The following ECPAS variants were observed in gnomAD, a reference collection of about 807,000 sequenced individuals.
ECPAS encodes the protein proteasome adapter and scaffold protein ECM29.
A neutral mutation model predicts 255.1 loss-of-function variants in ECPAS; 70 were observed. That is an observed-to-expected ratio of 0.27 (90% CI 0.23 to 0.33). The LOEUF is 0.33. Ranked by LOEUF, ECPAS falls within the 10% of genes least tolerant of loss-of-function variation. ECPAS has a pLI of 1.00. For synonymous variants in ECPAS, 784 were observed against 775.0 expected (o/e 1.01, Z -0.19); for missense variants, 1,817 against 2,206.4 (o/e 0.82, Z 3.54).
intron 30 of ECPAS, 57 bp downstream of exon 30, chr9:111,389,927 G>T: frequency 7.7e-7 from 1 of 1,290,340 alleles, no homozygotes; most frequent in Non-Finnish European, 1.1e-6. Context: ...GTCTGCCAAT[G>T]TAGCATGTTT....
At chr9:111,420,857 G>A (rs1174625610) in intron 15 of ECPAS, among the ~76,000 whole-genome samples, 2 of 152,166 alleles carry the variant, frequency 1.3e-5, no homozygotes, top group Non-Finnish European at 2.9e-5. Flanking sequence ...ATTAAAGAGT[G>A]AGGATATTAA....
In ECPAS at chr9:111,373,413, G is replaced by T; in HGVS notation, c.4178-7C>A. On this transcript the variant is annotated splice_polypyrimidine_tract_variant and splice_region_variant and intron_variant, in intron 39 of 49. Transcript: ENST00000684092. ...AAAGCACTCATAAGTTTACCTACCA[G>T]AAATAAAGAGAAAAAAATCTGATAC... 1 of 1,609,614 alleles carries T rather than the reference G, an allele frequency of 6.2e-7. No homozygotes were observed. The highest frequency in any genetic ancestry group is 8.5e-7 in the Non-Finnish European group (1 of 1,177,456).
At chr9:111,416,201 C>T (rs1263388455) in intron 18 of ECPAS, 71 bp downstream of exon 18, 1 of 1,070,838 alleles carries the variant, frequency 9.3e-7, no homozygotes. Flanking sequence ...AATGACAGAC[C>T]CCTCTTTGGG....
At chr9:111,472,681 T>C (rs2098290296) in intron 2 of ECPAS, among the ~76,000 whole-genome samples, 1 of 152,096 alleles carries the variant, frequency 6.6e-6, no homozygotes, top group African/African-American at 2.4e-5. Flanking sequence ...CTTTTTCTTC[T>C]TTTTGCAAAT....
intron 23 of ECPAS, among the ~76,000 whole-genome samples, chr9:111,409,365 G>C (rs1261281397): frequency 1.3e-5 from 2 of 152,088 alleles, no homozygotes; most frequent in Non-Finnish European, 2.9e-5. Context: ...TTCGAGACCA[G>C]CCTGGCCAAC....
intron 2 of ECPAS, among the ~76,000 whole-genome samples, chr9:111,455,741 A>C (rs1301568317): frequency 6.6e-6 from 1 of 152,198 alleles, no homozygotes; most frequent in Non-Finnish European, 1.5e-5. Context: ...GTCTCTGATG[A>C]CCATCTCTGG....
Position 111,444,447 on chromosome 9 carries a change from G to A in ECPAS, c.201C>T (p.Pro67=). ...GTGTCTCTACTGGAAGTTGTATTTT[G>A]GGGCGGCTTTTTATACGTTTATTCA... The part of the protein sequence containing the change: ...VHLNKRIKSR[P]KIQLPVETLL... Residue 67 remains proline (P), a synonymous_variant, in exon 4 of 50, where the codon CCC becomes CCT. Coordinates refer to ENST00000684092, the MANE Select transcript of ECPAS (RefSeq NM_001364929.1). 3 of 1,613,878 alleles carry A rather than the reference G, an allele frequency of 1.9e-6. No homozygotes were observed. The highest frequency in any genetic ancestry group is 1.7e-6 in the Non-Finnish European group (2 of 1,179,830).
At chr9:111,469,044 G>T (rs1462465395) in intron 2 of ECPAS, among the ~76,000 whole-genome samples, 1 of 152,142 alleles carries the variant, frequency 6.6e-6, no homozygotes, top group African/African-American at 2.4e-5. Flanking sequence ...GCTAATACTT[G>T]GCAAAACCCA....
intron 6 of ECPAS, among the ~76,000 whole-genome samples, chr9:111,437,380 A>G (rs2098239690): frequency 6.6e-6 from 1 of 152,224 alleles, no homozygotes; most frequent in African/African-American, 2.4e-5. Context: ...ATCACTCTCA[A>G]TCTATAAATG....
In ECPAS at chr9:111,383,339, T is replaced by G; in HGVS notation, c.3682-7A>C. ...CACACATTTTCACACAGACCTCACA[T>G]ACAAAGAGCATGGACGTTAGTGAAA... On this transcript the variant is annotated splice_polypyrimidine_tract_variant and splice_region_variant and intron_variant, in intron 34 of 49. Transcript: ENST00000684092. 6.2e-7 allele frequency: 1 copy of G among 1,608,256 alleles called. No individual in the cohort carries two copies. Among genetic ancestry groups the G allele is most frequent in the Non-Finnish European group, 8.5e-7 (1 of 1,177,058 alleles).
intron 22 of ECPAS, among the ~76,000 whole-genome samples, chr9:111,410,477 GA>G (rs5899954): frequency 1.3e-5 from 2 of 151,506 alleles, no homozygotes; most frequent in Admixed American, 6.6e-5. Flanking sequence ...AAAATGTAGA[GA>G]AAAAAAATAG....
At chr9:111,472,865 T>C (rs1267884978) in intron 2 of ECPAS, 32 bp downstream of exon 2, 11 of 795,140 alleles carry the variant, frequency 1.4e-5, no homozygotes, top group Non-Finnish European at 1.9e-5. Flanking sequence ...ACAAAAAAAA[T>C]GCACACATCC....
rs2098129682 is a variant in ECPAS, at chr9:111,373,394, C to T, written c.4190G>A (p.Ser1397Asn). ...DLTPYSGKLM[S>N]ALLSGLTDRN... ...ATCTGTCAGGCCACTCAGCAAAGCACTCATAAGTTTACCTACCAGAAATAA... is the reference window on the plus strand; with the variant it reads ...ATCTGTCAGGCCACTCAGCAAAGCATTCATAAGTTTACCTACCAGAAATAA... The change falls in exon 40 of 50, where the codon AGT becomes AAT. Residue 1397 changes from serine (S) to asparagine (N), a missense_variant. By Grantham distance (46) the Ser-to-Asn change is conservative. Coordinates refer to ENST00000684092, the MANE Select transcript of ECPAS (RefSeq NM_001364929.1). The T allele has an allele frequency of 6.2e-7, 1 of 1,613,464 alleles. No homozygotes were observed. Among genetic ancestry groups the T allele is most frequent in the Non-Finnish European group, 8.5e-7 (1 of 1,179,656 alleles).
At chr9:111,419,620 A>G (rs2098210038) in intron 16 of ECPAS, among the ~76,000 whole-genome samples, 1 of 151,748 alleles carries the variant, frequency 6.6e-6, no homozygotes, top group Non-Finnish European at 1.5e-5. Context: ...TATTTAATAA[A>G]ATATTAATAC....
intron 38 of ECPAS, 28 bp downstream of exon 38, chr9:111,375,085 C>A: frequency 6.6e-7 from 1 of 1,522,668 alleles, no homozygotes. Context: ...TGAAGATGCA[C>A]ATTTCCTCTT....
intron 35 of ECPAS, among the ~76,000 whole-genome samples, chr9:111,379,457 T>C (rs891884704): frequency 2.6e-5 from 4 of 152,258 alleles, no homozygotes; most frequent in Non-Finnish European, 1.5e-5. Context: ...ATCTTTTTGC[T>C]GGTGGAGGGT....
chr9:111,410,088 C>T lies in ECPAS; in HGVS notation c.2503G>A (p.Val835Ile), dbSNP rs991477264. 7 of 1,591,566 alleles carry T rather than the reference C, an allele frequency of 4.4e-6. No homozygotes were observed. The East Asian group carries it at 9.1e-5, about 21-fold the overall frequency. The change falls in exon 23 of 50, where the codon GTA becomes ATA. Residue 835 changes from valine to isoleucine, a missense_variant. Physicochemically the swap from Val to Ile is conservative, Grantham distance 29 (BLOSUM62 3). This residue lies in a region of ECPAS where 194 missense variants were observed against 152.8 expected (regional missense o/e 1.27). Coordinates refer to ENST00000684092, the MANE Select transcript of ECPAS (RefSeq NM_001364929.1). Reference sequence around the variant, plus strand: ...GGTATTCTACTTAGTAAGCTTTCTACAAGATGCAATTTGGTAAAGCCAGAT... The same window carrying T: ...GGTATTCTACTTAGTAAGCTTTCTATAAGATGCAATTTGGTAAAGCCAGAT... ...EGSGFTKLHL[V>I]ESLLSRIPSS...
chr9:111,410,864 G>T (rs931770331), intron 22 of ECPAS, 116 bp downstream of exon 22: 8 of 1,119,404 alleles, frequency 7.1e-6, no homozygotes, highest in South Asian at 1.6e-5. Flanking sequence ...AGTTTTTTGT[G>T]AAAAAGCTTG....
At chr9:111,437,906 A>G (rs1564545798) in intron 6 of ECPAS, among the ~76,000 whole-genome samples, 1 of 152,184 alleles carries the variant, frequency 6.6e-6, no homozygotes, top group Admixed American at 6.5e-5. Flanking sequence ...CTAAAGATCT[A>G]TGATGATAAA....
Sources: gnomAD v4.1 joint callset for allele counts (sites outside exome capture counted in the v4.1 genomes callset) on GRCh38, gnomAD v4.1.1 for gene constraint, gnomAD v4.1.1 regional missense constraint, MANE v1.5 for transcripts, NCBI Gene and HGNC (gene_info 2026-07-23, HGNC 2026-07-21) for gene names.